BCAT2: variants seen among roughly 807,000 people sequenced by gnomAD.
The protein encoded by BCAT2 is branched chain amino acid transaminase 2.
In BCAT2, 44 loss-of-function variants were observed where a neutral mutation model predicts 52.9. That is an observed-to-expected ratio of 0.83 (90% CI 0.65 to 1.07). The LOEUF is 1.07. Among genes scored for constraint, BCAT2 ranks in the 50% least tolerant of loss-of-function variants. The pLI, the probability that BCAT2 is intolerant of heterozygous loss-of-function variation, is 0.00. For missense variants in BCAT2, 478 were observed against 521.8 expected (o/e 0.92, Z 0.82); for synonymous variants, 215 against 217.1 (o/e 0.99, Z 0.08).
chr19:48,801,811 G>A (rs1211526847), intron 3 of BCAT2, among the ~76,000 whole-genome samples: 6 of 151,834 alleles, frequency 4.0e-5, no homozygotes, highest in African/African-American at 1.5e-4. Context: ...TAATTTTTGT[G>A]TTTTTGGTAG....
rs553256510 is a variant in BCAT2 at position 48,799,324 on chromosome 19, G to T, written c.695+351C>A. On this transcript the variant is annotated intron_variant, in intron 6 of 10. Coordinates refer to ENST00000316273, the MANE Select transcript of BCAT2 (RefSeq NM_001190.4). This position sits in a 1 kb window ranked among gnomAD's most constrained non-coding sequence, Gnocchi z 5.5. ...ACTGTGGGAGCTGGGTATGGGGAGCGCAGCCCAGCCTGGGGGATCAGGGGA... is the reference window on the plus strand; with the variant it reads ...ACTGTGGGAGCTGGGTATGGGGAGCTCAGCCCAGCCTGGGGGATCAGGGGA... The T allele has an allele frequency of 1.9e-5, 4 of 215,652 alleles. No individual in the cohort carries two copies. Among genetic ancestry groups the T allele is most frequent in the Non-Finnish European group, 3.6e-5 (4 of 110,446 alleles). The allele number at this position is 215,652 out of a possible 1,614,324, so 13.4% of individuals were successfully genotyped here.
Position 48,799,813 on chromosome 19 carries a change from G to A in BCAT2, c.557C>T (p.Thr186Met), listed in dbSNP as rs11548193. 1 of 1,558,322 alleles carries A rather than the reference G, an allele frequency of 6.4e-7. No individual in the cohort carries two copies. Among genetic ancestry groups the A allele is most frequent in the South Asian group, 1.2e-5 (1 of 84,846 alleles). The change falls in exon 6 of 11, where the codon ACG becomes ATG. Residue 186 changes from threonine (T) to methionine (M), a missense_variant. By Grantham distance (81) the Thr-to-Met change is moderately conservative (BLOSUM62 -1). Coordinates refer to ENST00000316273, the MANE Select transcript of BCAT2 (RefSeq NM_001190.4). The surrounding 1 kb of genome is among the most constrained non-coding windows in gnomAD (Gnocchi z 5.5). Reference sequence around the variant, plus strand: ...GAGAATGACGAACAGGAGCGCGCGCGTGGGCTGGCTGACACCCAGCGAGGG... The same window carrying A: ...GAGAATGACGAACAGGAGCGCGCGCATGGGCTGGCTGACACCCAGCGAGGG... ...NEPSLGVSQPTRALLFVILCP... is the reference protein window; with the variant it reads ...NEPSLGVSQPMRALLFVILCP...
In BCAT2 at chr19:48,800,187, C is replaced by T. The variant is rs747695171; in HGVS notation, c.411G>A (p.Pro137=). 1.2e-6 allele frequency: 2 copies of T among 1,613,300 alleles called. No homozygotes were observed. Among genetic ancestry groups the T allele is most frequent in the South Asian group, 1.1e-5 (1 of 91,058 alleles). Residue 137 remains proline (P), a splice_region_variant and synonymous_variant, in exon 4 of 11, where the codon CCG becomes CCA. Transcript: ENST00000316273. The part of the protein sequence containing the change: ...MLRSAMRLCL[P]SFDKLELLEC... ...ACCCCGGTGGACCGGGACCCCTCACCGGCAGGCACAGGCGCATGGCTGAGC... is the reference window on the plus strand; with the variant it reads ...ACCCCGGTGGACCGGGACCCCTCACTGGCAGGCACAGGCGCATGGCTGAGC...
Position 48,807,481 on chromosome 19 carries a change from A to C in BCAT2, c.25-407T>G, listed in dbSNP as rs901853013. On this transcript the variant is annotated intron_variant, in intron 1 of 10. Coordinates refer to ENST00000316273, the MANE Select transcript of BCAT2 (RefSeq NM_001190.4). This position sits in a 1 kb window ranked among gnomAD's most constrained non-coding sequence, Gnocchi z 4.6. ...GACAGGTCCTGCTCCCCCAGAGCTC[A>C]GGGGTGCAGACCCCAGGCCCGCCTC... is the stretch of plus-strand genomic sequence containing the variant. The C allele has an allele frequency of 2.2e-5, 4 of 181,904 alleles. No individual in the cohort carries two copies. Among genetic ancestry groups the C allele is most frequent in the African/African-American group, 7.2e-5 (3 of 41,664 alleles). The allele number at this position is 181,904 out of a possible 1,614,324, so 11.3% of individuals were successfully genotyped here.
At chr19:48,796,231 A>G (rs2034510602) in intron 10 of BCAT2, 197 bp downstream of exon 10, 1 of 654,308 alleles carries the variant, frequency 1.5e-6, no homozygotes, top group Non-Finnish European at 2.6e-6. Flanking sequence ...CTCCCAGGAA[A>G]GGGTGATTTA....
At position 48,795,394 on chromosome 19, in the gene BCAT2, G is replaced by A; in HGVS notation, c.*32C>T. 2 of 1,613,684 alleles carry A rather than the reference G, an allele frequency of 1.2e-6. No homozygotes were observed. Among genetic ancestry groups the A allele is most frequent in the East Asian group, 2.2e-5 (1 of 44,868 alleles). ...GAGTGCTGGCGTGACGAGATGCTACGGGTCGGTGGATCTGGAGCACAGCCT... is the reference window on the plus strand; with the variant it reads ...GAGTGCTGGCGTGACGAGATGCTACAGGTCGGTGGATCTGGAGCACAGCCT... On this transcript the variant is annotated 3_prime_UTR_variant, in exon 11 of 11. Transcript: ENST00000316273.
intron 3 of BCAT2, among the ~76,000 whole-genome samples, chr19:48,801,154 AT>A (rs2034649297): frequency 6.6e-6 from 1 of 151,244 alleles, no homozygotes; most frequent in South Asian, 2.1e-4. Flanking sequence ...CGCCCAGCTA[AT>A]TTTTGTATTT....
chr19:48,797,335 T>C lies in BCAT2; in HGVS notation c.696-2A>G. On this transcript the variant is annotated splice_acceptor_variant, in intron 6 of 10. Coordinates refer to ENST00000316273, the MANE Select transcript of BCAT2 (RefSeq NM_001190.4). LOFTEE classifies it high-confidence loss of function. ...ACTAACACGGTGGGCCCATAATTCC[T>C]GGTGGAGGGCAGTCTGGTTGGGTGG... 6.2e-7 allele frequency: 1 copy of C among 1,614,014 alleles called. No homozygotes were observed. The highest frequency in any genetic ancestry group is 8.5e-7 in the Non-Finnish European group (1 of 1,179,994).
chr19:48,810,753 T>TTAA, intron 1 of BCAT2: 1 of 984,606 alleles, frequency 1.0e-6, no homozygotes, highest in Non-Finnish European at 1.3e-6. Flanking sequence ...TTTTTTTTTT[T>TTAA]ACCTCCCCGC....
chr19:48,796,780 TCTCC>T, intron 8 of BCAT2, 62 bp from the exon 9 acceptor site: 1 of 1,589,882 alleles, frequency 6.3e-7, no homozygotes, highest in Non-Finnish European at 8.6e-7. Flanking sequence ...GACCTCCACC[TCTCC>T]CTCCCTGAGG....
chr19:48,808,287 G>A (rs1274822624), intron 1 of BCAT2: 5 of 983,678 alleles, frequency 5.1e-6, no homozygotes, highest in South Asian at 9.4e-5. Flanking sequence ...AACACAGTGC[G>A]ACAGCCAGCC....
chr19:48,803,011 A>C (rs1298007295), intron 3 of BCAT2, among the ~76,000 whole-genome samples: 3 of 152,262 alleles, frequency 2.0e-5, no homozygotes, highest in African/African-American at 7.2e-5. Flanking sequence ...CCTGGGCAAC[A>C]AAGTGAGATC....
Position 48,796,676 on chromosome 19 carries a change from A to C in BCAT2, c.967T>G (p.Leu323Val), listed in dbSNP as rs1409360153. ...CGGCCCTCCTCCAGGGCCCGCAGCA[A>C]CTGCTTCATGGTGATCGTGCGCTCC... is the stretch of plus-strand genomic sequence containing the variant. ...VVERTITMKQ[L>V]LRALEEGRVR... Residue 323 changes from leucine to valine, a missense_variant, in exon 9 of 11, where the codon TTG becomes GTG. Coordinates refer to ENST00000316273, the MANE Select transcript of BCAT2 (RefSeq NM_001190.4). 3 of 1,613,572 alleles carry C rather than the reference A, an allele frequency of 1.9e-6. No homozygotes were observed. Among genetic ancestry groups the C allele is most frequent in the Middle Eastern group, 1.6e-4 (1 of 6,062 alleles).
Position 48,801,936 on chromosome 19 carries a change from C to CT in BCAT2, c.301-1640dup, listed in dbSNP as rs755103793. Among the ~76,000 whole-genome samples, 908 of 142,518 alleles carry CT rather than the reference C, an allele frequency of 6.4e-3. 8 individuals are homozygous for CT. Among genetic ancestry groups the CT allele is most frequent in the African/African-American group, 0.017 (681 of 39,096 alleles). The allele number at this position is 142,518 out of a possible 152,430, so 93.5% of individuals were successfully genotyped here. On this transcript the variant is annotated intron_variant, in intron 3 of 10. Transcript: ENST00000316273. ...ACAGGCGTGAGCCACCACGACTGGA[C>CT]TTTTTTTTTTTTTCCAATTTCTTGT...
Position 48,807,539 on chromosome 19 carries a change from T to C in BCAT2, c.25-465A>G, listed in dbSNP as rs2034818565. The C allele has an allele frequency of 4.8e-6, 1 of 209,426 alleles. No homozygotes were observed. The highest frequency in any genetic ancestry group is 8.4e-6 in the Non-Finnish European group (1 of 118,770). 13.0% of individuals were successfully genotyped at this position (209,426 alleles called of 1,614,324 possible). ...CCTAAGTAAGAGTCCAGACTCTAGC[T>C]GCCTCCTCCCTCAGACCCGAAGTCT... On this transcript the variant is annotated intron_variant, in intron 1 of 10. Transcript: ENST00000316273. This position sits in a 1 kb window ranked among gnomAD's most constrained non-coding sequence, Gnocchi z 4.6.
intron 1 of BCAT2, among the ~76,000 whole-genome samples, chr19:48,810,618 C>T (rs369381581): frequency 4.6e-5 from 7 of 152,206 alleles, no homozygotes; most frequent in East Asian, 1.9e-4. Flanking sequence ...GGTCTGGGCC[C>T]CTTTATTCCA....
intron 3 of BCAT2, among the ~76,000 whole-genome samples, chr19:48,805,177 G>C (rs2034739836): frequency 6.6e-6 from 1 of 152,096 alleles, no homozygotes; most frequent in South Asian, 2.1e-4. Flanking sequence ...TCCTTCTGAA[G>C]ACCTTGCTTT....
At position 48,796,734 on chromosome 19, in the gene BCAT2, C is replaced by T. The variant is rs1420098780; in HGVS notation, c.925-16G>A. On this transcript the variant is annotated splice_polypyrimidine_tract_variant and intron_variant, in intron 8 of 10. Transcript: ENST00000316273. The stretch of plus-strand genomic sequence containing the variant: ...GGAACTCACCCTGCAGGGCAGTTGG[C>T]AGAGACACGTGTCCCCAGAGGGTTG... The T allele has an allele frequency of 9.3e-6, 15 of 1,605,842 alleles. No individual in the cohort carries two copies. The highest frequency in any genetic ancestry group is 1.3e-5 in the Non-Finnish European group (15 of 1,176,766).
chr19:48,799,270 G>A lies in BCAT2; in HGVS notation c.695+405C>T, dbSNP rs555876596. ...ACAGATTTACACAGAAAGTCCACAC[G>A]GGGGTGAGGGGCTTTGGAGGCTCAA... On this transcript the variant is annotated intron_variant, in intron 6 of 10. Coordinates refer to ENST00000316273, the MANE Select transcript of BCAT2 (RefSeq NM_001190.4). This position sits in a 1 kb window ranked among gnomAD's most constrained non-coding sequence, Gnocchi z 5.5. The A allele has an allele frequency of 1.0e-4, 17 of 168,742 alleles. No homozygotes were observed. The highest frequency in any genetic ancestry group is 1.5e-4 in the Non-Finnish European group (12 of 79,634). The allele number at this position is 168,742 out of a possible 1,614,324, so 10.5% of individuals were successfully genotyped here. A position where few individuals can be genotyped will look rare whatever the true frequency, so the allele number is the denominator to read the frequency against.
Sources: allele counts gnomAD v4.1 joint callset (sites outside exome capture counted in the v4.1 genomes callset), GRCh38; gene constraint gnomAD v4.1.1; non-coding constraint Gnocchi (gnomAD v3.1); transcripts MANE v1.5; gene names NCBI Gene and HGNC (gene_info 2026-07-23, HGNC 2026-07-21).